SH3TC2: variants seen among roughly 807,000 people sequenced by gnomAD.
SH3TC2 encodes the protein SH3 domain and tetratricopeptide repeats 2.
Under a neutral mutation model 124.5 loss-of-function variants are expected in SH3TC2, and 87 were observed. The ratio of observed to expected loss-of-function variants is 0.70; its 90% CI spans 0.59 to 0.84. SH3TC2 has a LOEUF of 0.84. SH3TC2 is among the 40% of genes least tolerant of loss of function. SH3TC2 has a pLI of 0.00. For synonymous variants in SH3TC2, 634 were observed against 628.5 expected, an observed-to-expected ratio of 1.01 and a Z score of -0.13; for missense variants, 1,536 against 1,566.4, an observed-to-expected ratio of 0.98 and a Z score of 0.33.
At position 149,006,926 on chromosome 5, in the gene SH3TC2, G is replaced by C. The variant is rs1257753572; in HGVS notation, c.3630C>G (p.Ala1210=). 6.2e-7 allele frequency: 1 copy of C among 1,614,088 alleles called. No individual in the cohort carries two copies. The highest frequency in any genetic ancestry group is 1.7e-5 in the Admixed American group (1 of 60,012). The change falls in exon 16 of 17, where the codon GCC becomes GCG. Residue 1210 remains alanine (A), a synonymous_variant. Transcript: ENST00000515425. ...LQSPKEALYY[A]KVYYRLGRLT... ...GTCTGCCCAGGCGATAATACACCTTGGCATAGTACAGGGCCTCCTTGGGAC... is the reference window on the plus strand; with the variant it reads ...GTCTGCCCAGGCGATAATACACCTTCGCATAGTACAGGGCCTCCTTGGGAC...
chr5:149,056,686 G>A (rs937748732), intron 1 of SH3TC2, among the ~76,000 whole-genome samples: 1 of 152,154 alleles, frequency 6.6e-6, no homozygotes, highest in East Asian at 1.9e-4. Context: ...AGCCAGAAGG[G>A]CACCTCTCTG....
chr5:149,007,065 T>C lies in SH3TC2; in HGVS notation c.3491A>G (p.Gln1164Arg). 6.2e-7 allele frequency: 1 copy of C among 1,614,210 alleles called. No individual in the cohort carries two copies. Among genetic ancestry groups the C allele is most frequent in the Non-Finnish European group, 8.5e-7 (1 of 1,180,026 alleles). Residue 1164 changes from glutamine (Q) to arginine (R), a missense_variant, in exon 16 of 17, where the codon CAA (glutamine) becomes CGA (arginine). Around this residue, in one of 3 missense-constraint regions of SH3TC2, gnomAD observed 426 missense variants for 443.5 expected, o/e 0.96. Transcript: ENST00000515425. ...CAGGCGGTGAAAGGCCACCAGCTCTTGCCTCTGATCTCCTAAGAATTGGAA... is the reference window on the plus strand; with the variant it reads ...CAGGCGGTGAAAGGCCACCAGCTCTCGCCTCTGATCTCCTAAGAATTGGAA... ...RLSTVTGDQR[Q>R]ELVAFHRLAT...
intron 1 of SH3TC2, among the ~76,000 whole-genome samples, chr5:149,060,203 G>C (rs2127405395): frequency 6.6e-6 from 1 of 152,334 alleles, no homozygotes; most frequent in East Asian, 1.9e-4. Context: ...TTGAAAATAA[G>C]GGTGAAGTGC....
rs199599265 is a variant in SH3TC2, at chr5:148,999,774, C to T, written c.*4937G>A. 3.0e-4 allele frequency among the ~76,000 whole-genome samples: 45 copies of T among 152,260 alleles called. No individual in the cohort carries two copies. The highest frequency in any genetic ancestry group is 1.1e-3 in the African/African-American group (44 of 41,558). ...TCTAGTCTCATGCTGCTTCTAGAAT[C>T]ATCTTTCCAAAGCACAAATCTGACC... On this transcript the variant is annotated 3_prime_UTR_variant, in exon 17 of 17. Coordinates refer to ENST00000515425, the MANE Select transcript of SH3TC2 (RefSeq NM_024577.4).
rs1414566818 is a variant in SH3TC2 at position 149,002,335 on chromosome 5, G to A, written c.*2376C>T. The A allele has an allele frequency of 6.5e-6, 1 of 152,674 alleles. No homozygotes were observed. The highest frequency in any genetic ancestry group is 6.5e-5 in the Admixed American group (1 of 15,290). 9.5% of individuals were successfully genotyped at this position (152,674 alleles called of 1,614,324 possible). On this transcript the variant is annotated 3_prime_UTR_variant, in exon 17 of 17. Transcript: ENST00000515425. ...TATGCACGGGAGATTAGACTGAATA[G>A]CCTCAACCGCAACGTCCCTCCCAGC...
intron 1 of SH3TC2, chr5:149,057,726 G>T (rs1011712095): frequency 6.6e-6 from 1 of 152,196 alleles, no homozygotes; most frequent in Admixed American, 6.5e-5. Context: ...AGGTAGAGAA[G>T]TGGCTAAGAA....
Position 148,985,817 on chromosome 5 carries a change from C to G in SH3TC2, c.*18894G>C, listed in dbSNP as rs1013888495. On this transcript the variant is annotated 3_prime_UTR_variant, in exon 17 of 17. Transcript: ENST00000515425. ...AAAACAGCTGTTTCATTTTGCATTC[C>G]CAGCAGCAATAGCCACTTTTATTTT... is the stretch of plus-strand genomic sequence containing the variant. Among the ~76,000 whole-genome samples the G allele has an allele frequency of 1.3e-5, 2 of 152,122 alleles. No individual in the cohort carries two copies. Among genetic ancestry groups the G allele is most frequent in the African/African-American group, 4.8e-5 (2 of 41,440 alleles).
chr5:149,054,382 T>C (rs1754607812), intron 1 of SH3TC2, among the ~76,000 whole-genome samples: 1 of 152,160 alleles, frequency 6.6e-6, no homozygotes, highest in African/African-American at 2.4e-5. Flanking sequence ...GAATCACCTA[T>C]GGATATTGAT....
In SH3TC2 at chr5:148,985,849, T is replaced by C. The variant is rs1027521293; in HGVS notation, c.*18862A>G. 1.3e-5 allele frequency among the ~76,000 whole-genome samples: 2 copies of C among 152,210 alleles called. No homozygotes were observed. Among genetic ancestry groups the C allele is most frequent in the Non-Finnish European group, 2.9e-5 (2 of 68,026 alleles). ...CAATAGCCACTTTTATTTTTCAATG[T>C]GTGGAATGTCATTTTTATATAGATT... is the stretch of plus-strand genomic sequence containing the variant. On this transcript the variant is annotated 3_prime_UTR_variant, in exon 17 of 17. Transcript: ENST00000515425.
At position 149,001,019 on chromosome 5, in the gene SH3TC2, A is replaced by G. The variant is rs1207348158; in HGVS notation, c.*3692T>C. ...GCCCAAGGTCGCACTGCAATTTAAT[A>G]TCAAAATCAAGACCAAAATACAGGT... is the stretch of plus-strand genomic sequence containing the variant. On this transcript the variant is annotated 3_prime_UTR_variant, in exon 17 of 17. Coordinates refer to ENST00000515425, the MANE Select transcript of SH3TC2 (RefSeq NM_024577.4). 6.6e-6 allele frequency among the ~76,000 whole-genome samples: 1 copy of G among 152,162 alleles called. No individual in the cohort carries two copies. Among genetic ancestry groups the G allele is most frequent in the Non-Finnish European group, 1.5e-5 (1 of 68,032 alleles).
chr5:149,029,589 G>A (rs982388291), intron 9 of SH3TC2, among the ~76,000 whole-genome samples: 2 of 152,024 alleles, frequency 1.3e-5, no homozygotes, highest in African/African-American at 4.8e-5. Flanking sequence ...GAGGGAGTAG[G>A]GGGAGTTTGT....
Position 149,028,407 on chromosome 5 carries a change from G to C in SH3TC2, c.1325C>G (p.Pro442Arg). The C allele has an allele frequency of 6.2e-7, 1 of 1,614,000 alleles. No individual in the cohort carries two copies. Among genetic ancestry groups the C allele is most frequent in the Non-Finnish European group, 8.5e-7 (1 of 1,180,000 alleles). Reference protein sequence around the residue: ...LSATSDSYRLPEPDDLDDPEL... With the variant: ...LSATSDSYRLREPDDLDDPEL... Reference sequence around the variant, plus strand: ...CGGGTCATCAAGGTCATCAGGCTCCGGCAGGCGATAGCTGTCTGAGGTGGC... The same window carrying C: ...CGGGTCATCAAGGTCATCAGGCTCCCGCAGGCGATAGCTGTCTGAGGTGGC... Residue 442 changes from proline (P) to arginine (R), a missense_variant, in exon 11 of 17, where the codon CCG becomes CGG. Around this residue, in one of 3 missense-constraint regions of SH3TC2, gnomAD observed 1,102 missense variants for 1,098.6 expected, o/e 1.00. Transcript: ENST00000515425.
At chr5:149,007,838 A>G (rs1374814834) in intron 15 of SH3TC2, 1 of 152,476 alleles carries the variant, frequency 6.6e-6, no homozygotes, top group East Asian at 1.9e-4. Context: ...GCCAAAAGCC[A>G]AAATTAAAAA....
At chr5:149,057,529 C>G (rs928308832) in intron 1 of SH3TC2, 1 of 152,140 alleles carries the variant, frequency 6.6e-6, no homozygotes, top group African/African-American at 2.4e-5. Context: ...AGGTATTTAG[C>G]CCAGCATCCA....
At position 149,001,017 on chromosome 5, in the gene SH3TC2, A is replaced by G. The variant is rs115774169; in HGVS notation, c.*3694T>C. ...TTGCCCAAGGTCGCACTGCAATTTA[A>G]TATCAAAATCAAGACCAAAATACAG... On this transcript the variant is annotated 3_prime_UTR_variant, in exon 17 of 17. Transcript: ENST00000515425. 1.3e-5 allele frequency among the ~76,000 whole-genome samples: 2 copies of G among 152,166 alleles called. No homozygotes were observed. Among genetic ancestry groups the G allele is most frequent in the African/African-American group, 2.4e-5 (1 of 41,458 alleles).
In SH3TC2 at chr5:148,999,913, C is replaced by T. The variant is rs554450656; in HGVS notation, c.*4798G>A. On this transcript the variant is annotated 3_prime_UTR_variant, in exon 17 of 17. Transcript: ENST00000515425. ...TCCAGCCTCACTGCACTCAGAGTGA[C>T]CTGTTCTCAGAAAACATCACCCCCT... Among the ~76,000 whole-genome samples the T allele has an allele frequency of 1.2e-4, 19 of 152,260 alleles. No individual in the cohort carries two copies. The South Asian group carries it at 4.0e-3, about 32-fold the overall frequency.
At chr5:149,004,987 G>T in intron 16 of SH3TC2, 85 bp from the exon 17 acceptor site, 2 of 1,359,372 alleles carry the variant, frequency 1.5e-6, no homozygotes, top group Non-Finnish European at 2.1e-6. Flanking sequence ...GGCCACTCTA[G>T]TTTTTTTTGT....
At position 148,992,608 on chromosome 5, in the gene SH3TC2, T is replaced by TTTG. The variant is rs1005595877; in HGVS notation, c.*12102_*12103insCAA. Among the ~76,000 whole-genome samples, 3 of 150,418 alleles carry TTTG rather than the reference T, an allele frequency of 2.0e-5. No individual in the cohort carries two copies. The highest frequency in any genetic ancestry group is 4.4e-5 in the Non-Finnish European group (3 of 67,654). On this transcript the variant is annotated 3_prime_UTR_variant, in exon 17 of 17. Coordinates refer to ENST00000515425, the MANE Select transcript of SH3TC2 (RefSeq NM_024577.4). ...AAGAAGAGATTTCATTGGTTTTTTT[T>TTTG]TTTTTTTTTTTTTTCAGATTTTCGA...
At chr5:149,007,221 C>T in intron 15 of SH3TC2, 144 bp from the exon 16 acceptor site, 2 of 746,362 alleles carry the variant, frequency 2.7e-6, no homozygotes, top group South Asian at 2.9e-5. Flanking sequence ...GAAGAGGTGC[C>T]TGTACTCATA....
Sources: gnomAD v4.1 joint callset for allele counts (sites outside exome capture counted in the v4.1 genomes callset) on GRCh38, gnomAD v4.1.1 for gene constraint, gnomAD v4.1.1 regional missense constraint, MANE v1.5 for transcripts, NCBI Gene and HGNC (gene_info 2026-07-23, HGNC 2026-07-21) for gene names.